CST8: variants seen among roughly 807,000 people sequenced by gnomAD.
CST8 encodes the protein cystatin-8.
CST8 carries 20 observed loss-of-function variants against 11.8 expected under a neutral mutation model. That is an observed-to-expected ratio of 1.70 (90% confidence interval 1.20 to 2.47). The LOEUF (loss-of-function observed/expected upper bound fraction) is 2.47, where lower values mean the gene tolerates loss of function less well. Among genes scored for constraint, CST8 ranks in the 30% most tolerant of loss-of-function variants. The probability of loss-of-function intolerance (pLI) is 0.00; values close to 1 mark genes in which losing one functional copy is unlikely to be tolerated. For synonymous variants in CST8, 77 were observed against 63.1 expected (o/e 1.22, Z -1.05); for missense variants, 196 against 167.2 (o/e 1.17, Z -0.95).
chr20:23,496,695 G>A (rs1230313951), downstream of CST8, among the ~76,000 whole-genome samples: 2 of 152,106 alleles, frequency 1.3e-5, no homozygotes, highest in Non-Finnish European at 2.9e-5. Flanking sequence ...GGGAAACTGG[G>A]GCTTATTTCA....
chr20:23,499,723 G>T (rs1190326057), downstream of CST8, among the ~76,000 whole-genome samples: 1 of 152,168 alleles, frequency 6.6e-6, no homozygotes, highest in Non-Finnish European at 1.5e-5. Flanking sequence ...TGTCCACCTG[G>T]CGACCAGTCA....
chr20:23,506,894 G>A, the CST8 span, among the ~76,000 whole-genome samples: 4 of 152,092 alleles, frequency 2.6e-5, no homozygotes, highest in Admixed American at 6.5e-5. Flanking sequence ...CCCCTGCCCC[G>A]ATGTGACTCG....
At chr20:23,496,055 G>A (rs1371378589), downstream of CST8, 11 of 654,072 alleles carry the variant, frequency 1.7e-5, no homozygotes, top group Non-Finnish European at 2.9e-5. Context: ...TTGCATATAT[G>A]TGGGGACAGA....
downstream of CST8, among the ~76,000 whole-genome samples, chr20:23,500,299 G>A (rs1336043771): frequency 6.6e-6 from 1 of 152,110 alleles, no homozygotes; most frequent in Non-Finnish European, 1.5e-5. Flanking sequence ...ACCAGGGGTG[G>A]GCTGCCTGCG....
intron 3 of CST8, among the ~76,000 whole-genome samples, chr20:23,495,449 C>T (rs998743184): frequency 2.0e-5 from 3 of 152,160 alleles, no homozygotes; most frequent in Admixed American, 6.5e-5. Flanking sequence ...TGTCCACAAC[C>T]TTGCCAATAT....
chr20:23,494,572 CCCAG>C (rs1987986140), intron 3 of CST8, among the ~76,000 whole-genome samples: 1 of 152,192 alleles, frequency 6.6e-6, no homozygotes, highest in Admixed American at 6.5e-5. Flanking sequence ...CTGGAAGTGC[CCCAG>C]TGATTTCAGT....
At chr20:23,494,849 A>G (rs2983289) in intron 3 of CST8, among the ~76,000 whole-genome samples, 97,161 of 151,550 alleles carry the variant, frequency 0.64, 31,449 homozygotes, top group African/African-American at 0.71. Flanking sequence ...GGGTACACAT[A>G]CAGGCTTGTT....
At chr20:23,492,888 T>G in intron 2 of CST8, 70 bp from the exon 3 acceptor site, 1 of 909,210 alleles carries the variant, frequency 1.1e-6, no homozygotes, top group Non-Finnish European at 1.8e-6. Flanking sequence ...AAGAGTAATT[T>G]TTTTTTTTTG....
rs1798785792 is a variant in CST8, at chr20:23,495,983, G to A, written c.*69G>A. On this transcript the variant is annotated 3_prime_UTR_variant, in exon 4 of 4. Transcript: ENST00000246012. ...CATGAAAATGAAGCAATGGCAGGTG[G>A]GAGGCTCTTCCCAATGTGCTTTCTT... The A allele has an allele frequency of 2.4e-6, 3 of 1,247,008 alleles. No homozygotes were observed. Among genetic ancestry groups the A allele is most frequent in the Admixed American group, 2.0e-5 (1 of 49,710 alleles). 77.2% of individuals were successfully genotyped at this position (1,247,008 alleles called of 1,614,324 possible).
chr20:23,495,528 G>A (rs1330663563), intron 3 of CST8, among the ~76,000 whole-genome samples: 1 of 152,090 alleles, frequency 6.6e-6, no homozygotes, highest in Non-Finnish European at 1.5e-5. Flanking sequence ...TATTTACATT[G>A]TATTAAAGGG....
downstream of CST8, among the ~76,000 whole-genome samples, chr20:23,496,346 G>A (rs1988047299): frequency 1.3e-5 from 2 of 152,032 alleles, no homozygotes; most frequent in African/African-American, 2.4e-5. Context: ...GTGTCCGGGG[G>A]AGACATCACA....
chr20:23,493,748 A>T (rs907324921), intron 3 of CST8, among the ~76,000 whole-genome samples: 1 of 152,188 alleles, frequency 6.6e-6, no homozygotes. Context: ...AGACAGATGA[A>T]GGCCTGAGCA....
At chr20:23,494,733 CAG>C (rs1280034705) in intron 3 of CST8, among the ~76,000 whole-genome samples, 1 of 152,162 alleles carries the variant, frequency 6.6e-6, no homozygotes, top group Admixed American at 6.5e-5. Context: ...GAAAGAAAAG[CAG>C]AGTTCTTTGG....
At chr20:23,496,104 A>G (rs115132394), downstream of CST8, 1,292 of 570,456 alleles carry the variant, frequency 2.3e-3, 12 homozygotes, top group African/African-American at 0.023. Context: ...GGCACCGAAC[A>G]CAGCCACGCA....
chr20:23,500,612 G>A (rs111414407), downstream of CST8, among the ~76,000 whole-genome samples: 358 of 152,264 alleles, frequency 2.4e-3, 2 homozygotes, highest in African/African-American at 8.4e-3. Flanking sequence ...ACCATTAGAT[G>A]CATTTGTAAA....
At chr20:23,495,445 C>T (rs907057409) in intron 3 of CST8, among the ~76,000 whole-genome samples, 2 of 152,184 alleles carry the variant, frequency 1.3e-5, no homozygotes, top group East Asian at 1.9e-4. Flanking sequence ...CTTTTGTCCA[C>T]AACCTTGCCA....
In CST8 at chr20:23,491,778, C is replaced by T. The variant is rs34846674; in HGVS notation, c.111C>T (p.Pro37=). 4,381 of 1,614,074 alleles carry T rather than the reference C, an allele frequency of 2.7e-3. 87 individuals are homozygous for T. The African/African-American group carries it at 0.045, about 17-fold the overall frequency. Residue 37 remains proline (P), a synonymous_variant, in exon 2 of 4, where the codon CCC becomes CCT. Coordinates refer to ENST00000246012, the MANE Select transcript of CST8 (RefSeq NM_005492.4). ...CAGGGGTGCTGAGGAAATTAAAACC[C>T]GTCAATGCCTCAAATGCCAACGTGA... is the stretch of plus-strand genomic sequence containing the variant. ...NETGVLRKLK[P]VNASNANVKQ...
rs780660243 is a variant in CST8 at position 23,493,003 on chromosome 20, A to G, written c.277A>G (p.Ser93Gly). 43 of 1,613,398 alleles carry G rather than the reference A, an allele frequency of 2.7e-5. 1 individual carries two copies. The highest frequency in any genetic ancestry group is 3.4e-6 in the Non-Finnish European group (4 of 1,179,544). The change falls in exon 3 of 4, where the codon AGC becomes GGC. Residue 93 changes from serine (S) to glycine (G), a missense_variant. Coordinates refer to ENST00000246012, the MANE Select transcript of CST8 (RefSeq NM_005492.4). Reference sequence around the variant, plus strand: ...CCTTATTGATGTAGAAATTGCCCGCAGCGATTGCAGAAAGCCTTTAAGCAC... The same window carrying G: ...CCTTATTGATGTAGAAATTGCCCGCGGCGATTGCAGAAAGCCTTTAAGCAC... ...EYLIDVEIAR[S>G]DCRKPLSTNE...
intron 2 of CST8, 116 bp from the exon 3 acceptor site, chr20:23,492,842 G>C: frequency 1.4e-6 from 1 of 724,706 alleles, no homozygotes; most frequent in East Asian, 2.5e-5. Context: ...CTCTGTCTGG[G>C]GGTGAGGGAG....
Sources: gnomAD v4.1 joint callset for allele counts (sites outside exome capture counted in the v4.1 genomes callset) on GRCh38, gnomAD v4.1.1 for gene constraint, MANE v1.5 for transcripts, NCBI Gene and HGNC (gene_info 2026-07-23, HGNC 2026-07-21) for gene names.